CHN2: variants seen among roughly 807,000 people sequenced by gnomAD.
CHN2 encodes the protein beta-chimaerin.
CHN2 carries 35 observed loss-of-function variants against 56.3 expected under a neutral mutation model. The ratio of observed to expected loss-of-function variants is 0.62; its 90% CI spans 0.47 to 0.82. The LOEUF is 0.82. Ranked by LOEUF, CHN2 falls within the 40% of genes least tolerant of loss-of-function variation. The pLI is 0.00. For missense variants in CHN2, 491 were observed against 580.5 expected (o/e 0.85, Z 1.58); for synonymous variants, 210 against 212.8 (o/e 0.99, Z 0.12).
chr7:29,431,325 C>T (rs917668555), intron 6 of CHN2, among the ~76,000 whole-genome samples: 1 of 152,198 alleles, frequency 6.6e-6, no homozygotes, highest in Non-Finnish European at 1.5e-5. Context: ...AAAATCCAAA[C>T]TGGATTATAG....
At chr7:29,512,538 C>T in intron 12 of CHN2, 26 bp from the exon 13 acceptor site, 2 of 1,587,518 alleles carry the variant, frequency 1.3e-6, no homozygotes, top group South Asian at 1.1e-5. Flanking sequence ...TCCATAATGT[C>T]TCTGTTCTAT....
intron 3 of CHN2, among the ~76,000 whole-genome samples, chr7:29,377,628 A>G (rs1343874271): frequency 7.4e-6 from 1 of 135,288 alleles, no homozygotes; most frequent in Non-Finnish European, 1.6e-5. Context: ...ATTTGCTAAT[A>G]AAAGCCAGTC....
intron 1 of CHN2, among the ~76,000 whole-genome samples, chr7:29,273,248 A>G (rs955143346): frequency 1.3e-5 from 2 of 150,064 alleles, no homozygotes; most frequent in Admixed American, 1.3e-4. Flanking sequence ...TTCACTGTAC[A>G]TAATGTCTTC....
At chr7:29,276,805 G>A (rs901158233) in intron 1 of CHN2, among the ~76,000 whole-genome samples, 2 of 152,122 alleles carry the variant, frequency 1.3e-5, no homozygotes, top group Non-Finnish European at 2.9e-5. Context: ...CCAGTTTGAG[G>A]TGCAGGACCC....
In CHN2 at chr7:29,347,027, C is replaced by T. The variant is rs552553425; in HGVS notation, c.50-7598C>T. Among the ~76,000 whole-genome samples, 24 of 152,248 alleles carry T rather than the reference C, an allele frequency of 1.6e-4. 1 individual carries two copies. The South Asian group carries it at 5.0e-3, about 32-fold the overall frequency. On this transcript the variant is annotated intron_variant, in intron 1 of 12. Transcript: ENST00000222792. ...CCATATGTTTCCACAGGTTCACTTC[C>T]AGGAGCGTTCTGTGTCTCCATTTGC... is the stretch of plus-strand genomic sequence containing the variant.
Position 29,400,614 on chromosome 7 carries a change from A to G in CHN2, c.362A>G (p.Glu121Gly). The G allele has an allele frequency of 6.2e-7, 1 of 1,614,172 alleles. No homozygotes were observed. Among genetic ancestry groups the G allele is most frequent in the South Asian group, 1.1e-5 (1 of 91,074 alleles). Residue 121 changes from glutamate to glycine, a missense_variant, in exon 6 of 13, where the codon GAG becomes GGG. Coordinates refer to ENST00000222792, the MANE Select transcript of CHN2 (RefSeq NM_004067.4). ...CACTTTGTGGGTGAGAAGAGGTTTG[A>G]GTCGATTCATGATCTGGTGACAGAT... Reference protein sequence around the residue: ...GKHFVGEKRFESIHDLVTDGL... With the variant: ...GKHFVGEKRFGSIHDLVTDGL...
At chr7:29,168,443 C>A (rs1278779142) in intron 2 of CHN2, among the ~76,000 whole-genome samples, 2 of 152,170 alleles carry the variant, frequency 1.3e-5, no homozygotes, top group African/African-American at 2.4e-5. Flanking sequence ...TGTAGCCATA[C>A]CCAGCTTCTA....
chr7:29,232,728 C>A (rs1287231653), intron 1 of CHN2, among the ~76,000 whole-genome samples: 1 of 152,148 alleles, frequency 6.6e-6, no homozygotes, highest in Non-Finnish European at 1.5e-5. Flanking sequence ...GGTGTGCACT[C>A]ACATATTTTA....
chr7:29,478,364 G>A (rs1786784304), intron 6 of CHN2, among the ~76,000 whole-genome samples: 2 of 152,172 alleles, frequency 1.3e-5, no homozygotes, highest in Non-Finnish European at 2.9e-5. Context: ...ACACAGTTAA[G>A]CTATGGAGAA....
At chr7:29,350,213 A>G (rs189306200) in intron 1 of CHN2, among the ~76,000 whole-genome samples, 267 of 152,346 alleles carry the variant, frequency 1.8e-3, no homozygotes, top group Non-Finnish European at 3.0e-3. Flanking sequence ...GACCTTGAGG[A>G]AACCACTTAA....
chr7:29,180,316 G>A (rs1562811729), intron 2 of CHN2, among the ~76,000 whole-genome samples: 1 of 152,104 alleles, frequency 6.6e-6, no homozygotes, highest in Non-Finnish European at 1.5e-5. Context: ...ACAAGGTCAG[G>A]ACAGATTGAG....
chr7:29,397,747 AC>A (rs1801870470), intron 4 of CHN2: 1 of 152,338 alleles, frequency 6.6e-6, no homozygotes, highest in Non-Finnish European at 1.5e-5. Flanking sequence ...CGGATATGCC[AC>A]ATTTTCCACA....
At chr7:29,321,463 C>T (rs888808220) in intron 1 of CHN2, among the ~76,000 whole-genome samples, 1 of 152,146 alleles carries the variant, frequency 6.6e-6, no homozygotes, top group African/African-American at 2.4e-5. Context: ...GACCCACTTG[C>T]CCAAGGTCAC....
intron 12 of CHN2, among the ~76,000 whole-genome samples, chr7:29,510,608 T>C (rs1791197961): frequency 6.6e-6 from 1 of 152,152 alleles, no homozygotes; most frequent in South Asian, 2.1e-4. Flanking sequence ...CCATGTGCAT[T>C]TCTCCATAGG....
chr7:29,152,900 C>A (rs536013012), intron 2 of CHN2, among the ~76,000 whole-genome samples: 1 of 152,248 alleles, frequency 6.6e-6, no homozygotes, highest in Non-Finnish European at 1.5e-5. Context: ...CCTCAGAATT[C>A]TTTGCCCAAA....
chr7:29,293,547 T>A (rs1158317595), intron 1 of CHN2, among the ~76,000 whole-genome samples: 1 of 152,068 alleles, frequency 6.6e-6, no homozygotes, highest in Non-Finnish European at 1.5e-5. Flanking sequence ...TACATCACGC[T>A]CCTCTCTCCT....
Position 29,442,934 on chromosome 7 carries a change from C to CTTTTTTTTTTTTTTTTTTTTTTT in CHN2, c.577-37328_577-37327insTTTTTTTTTTTTTTTTTTTTTTT, listed in dbSNP as rs541792526. Among the ~76,000 whole-genome samples, 85 of 103,048 alleles carry CTTTTTTTTTTTTTTTTTTTTTTT rather than the reference C, an allele frequency of 8.2e-4. 10 individuals carry two copies. Among genetic ancestry groups the CTTTTTTTTTTTTTTTTTTTTTTT allele is most frequent in the Non-Finnish European group, 1.2e-3 (64 of 54,738 alleles). 67.6% of individuals were successfully genotyped at this position (103,048 alleles called of 152,430 possible). A position where few individuals can be genotyped will look rare whatever the true frequency, so the allele number is the denominator to read the frequency against. ...CATCGCTTTCAATTTCATTGAATTTCTTTTTTTTTTTTTTTTTGAGACGGA... is the reference window on the plus strand; with the variant it reads ...CATCGCTTTCAATTTCATTGAATTTCTTTTTTTTTTTTTTTTTTTTTTTTTTTTTTTTTTTTTTTTGAGACGGA... On this transcript the variant is annotated intron_variant, in intron 6 of 12. Coordinates refer to ENST00000222792, the MANE Select transcript of CHN2 (RefSeq NM_004067.4).
chr7:29,370,752 A>G (rs186572426), intron 3 of CHN2, among the ~76,000 whole-genome samples: 88 of 152,304 alleles, frequency 5.8e-4, no homozygotes, highest in Non-Finnish European at 1.3e-4. Flanking sequence ...CCTCTAAGGT[A>G]TAGACGTAGG....
At chr7:29,337,133 G>C (rs1796686559) in intron 1 of CHN2, among the ~76,000 whole-genome samples, 1 of 152,192 alleles carries the variant, frequency 6.6e-6, no homozygotes, top group African/African-American at 2.4e-5. Flanking sequence ...CAGGAATAGA[G>C]TGATGGGTAA....
Sources: gnomAD v4.1 joint callset for allele counts (sites outside exome capture counted in the v4.1 genomes callset) on GRCh38, gnomAD v4.1.1 for gene constraint, MANE v1.5 for transcripts, NCBI Gene and HGNC (gene_info 2026-07-23, HGNC 2026-07-21) for gene names.